The following CHST8 variants were observed in gnomAD, a reference collection of about 807,000 sequenced individuals.
The protein encoded by CHST8 is carbohydrate sulfotransferase 8, also known as GALNAC-4-ST1.
A neutral mutation model predicts 15.0 loss-of-function variants in CHST8; 10 were observed. The observed-to-expected ratio is 0.67, with a 90% confidence interval of 0.41 to 1.13. The LOEUF (loss-of-function observed/expected upper bound fraction) is 1.13, where lower values mean the gene tolerates loss of function less well. Ranked by LOEUF, CHST8 falls within the 50% of genes most tolerant of loss-of-function variation. The pLI, the probability that CHST8 is intolerant of heterozygous loss-of-function variation, is 0.00. For synonymous variants in CHST8, 259 were observed against 256.6 expected (o/e 1.01, Z -0.09); for missense variants, 634 against 608.2 (o/e 1.04, Z -0.45).
intron 3 of CHST8, among the ~76,000 whole-genome samples, chr19:33,765,553 GTC>G (rs1434751804): frequency 4.9e-5 from 4 of 81,178 alleles, no homozygotes; most frequent in East Asian, 2.2e-4. Flanking sequence ...GTGTGTGTGT[GTC>G]AGAGAGAGAG....
At chr19:33,634,614 A>C (rs1301437488) in intron 1 of CHST8, among the ~76,000 whole-genome samples, 2 of 146,166 alleles carry the variant, frequency 1.4e-5, no homozygotes, top group Non-Finnish European at 3.0e-5. Flanking sequence ...CCCCGGACTC[A>C]TCAGACAGCC....
chr19:33,690,266 A>G (rs893950512), intron 3 of CHST8, among the ~76,000 whole-genome samples: 2 of 152,112 alleles, frequency 1.3e-5, no homozygotes, highest in African/African-American at 4.8e-5. Flanking sequence ...CTGCAGGGAC[A>G]CCCACTCACT....
At position 33,646,117 on chromosome 19, in the gene CHST8, G is replaced by A. The variant is rs532654612; in HGVS notation, c.-163-21650G>A. ...CACTCCAGCCTGGGAGACAGAGTAA[G>A]ACTCTGTCTCAAAAAAAAACAAAAG... is the stretch of plus-strand genomic sequence containing the variant. On this transcript the variant is annotated intron_variant, in intron 1 of 4. Coordinates refer to ENST00000650847, the MANE Select transcript of CHST8 (RefSeq NM_001127895.2). Among the ~76,000 whole-genome samples the A allele has an allele frequency of 4.5e-3, 465 of 102,382 alleles. 3 individuals are homozygous for A. The highest frequency in any genetic ancestry group is 0.017 in the African/African-American group (451 of 26,134). The allele number at this position is 102,382 out of a possible 152,430, so 67.2% of individuals were successfully genotyped here.
At position 33,773,373 on chromosome 19, in the gene CHST8, G is replaced by C. The variant is rs528476396; in HGVS notation, c.*310G>C. ...AAGTCTGAGGCCCAGAGGACGGGGG[G>C]CCCAGCGGTAAGGGATGTCCCGCAC... On this transcript the variant is annotated 3_prime_UTR_variant, in exon 5 of 5. Transcript: ENST00000650847. 3.9e-4 allele frequency: 162 copies of C among 413,918 alleles called. No homozygotes were observed. The Middle Eastern group carries it at 5.9e-3, about 15-fold the overall frequency. 25.6% of individuals were successfully genotyped at this position (413,918 alleles called of 1,614,324 possible).
chr19:33,707,887 G>T (rs1431079530), intron 3 of CHST8, among the ~76,000 whole-genome samples: 1 of 152,194 alleles, frequency 6.6e-6, no homozygotes, highest in South Asian at 2.1e-4. Flanking sequence ...GGGTATGAAG[G>T]TTCCAATTGC....
chr19:33,763,592 C>G (rs1414382208), intron 3 of CHST8, among the ~76,000 whole-genome samples: 1 of 152,122 alleles, frequency 6.6e-6, no homozygotes. Context: ...CCCTGGGGAC[C>G]CAGCAGAGAA....
chr19:33,629,208 T>G (rs1345966438), intron 1 of CHST8, among the ~76,000 whole-genome samples: 2 of 152,224 alleles, frequency 1.3e-5, no homozygotes. Flanking sequence ...GTGGCTCGGA[T>G]GCCCACTTCC....
chr19:33,771,383 A>T lies in CHST8; in HGVS notation c.131-30A>T, dbSNP rs375546489. On this transcript the variant is annotated intron_variant, in intron 3 of 4. Coordinates refer to ENST00000650847, the MANE Select transcript of CHST8 (RefSeq NM_001127895.2). ...TGGGAGCCATGTGGCAGATCCGCTA[A>T]TACTGTCCTCTCCTCTGTTTGCTTT... 7 of 1,613,342 alleles carry T rather than the reference A, an allele frequency of 4.3e-6. No homozygotes were observed. The African/African-American group carries it at 9.3e-5, about 22-fold the overall frequency.
At chr19:33,675,747 A>G (rs1194412822) in intron 2 of CHST8, among the ~76,000 whole-genome samples, 2 of 152,254 alleles carry the variant, frequency 1.3e-5, no homozygotes, top group African/African-American at 4.8e-5. Flanking sequence ...AACCATGTTT[A>G]GGTGCCATCT....
chr19:33,770,475 G>T (rs569548340), intron 3 of CHST8, among the ~76,000 whole-genome samples: 1 of 152,218 alleles, frequency 6.6e-6, no homozygotes, highest in Non-Finnish European at 1.5e-5. Flanking sequence ...GGGGAAGGAG[G>T]CTCCAGCTTC....
At chr19:33,696,072 C>A (rs780962792) in intron 3 of CHST8, among the ~76,000 whole-genome samples, 4 of 152,020 alleles carry the variant, frequency 2.6e-5, no homozygotes, top group Non-Finnish European at 5.9e-5. Context: ...GTGATCCCCC[C>A]ACCTCAGCCT....
intron 3 of CHST8, among the ~76,000 whole-genome samples, chr19:33,701,250 G>A (rs1973330619): frequency 1.3e-5 from 2 of 152,024 alleles, no homozygotes; most frequent in South Asian, 2.1e-4. Context: ...ACGTGGCCAC[G>A]ATTTCCTGGG....
At chr19:33,634,709 T>C (rs1016897556) in intron 1 of CHST8, among the ~76,000 whole-genome samples, 33 of 137,876 alleles carry the variant, frequency 2.4e-4, no homozygotes, top group African/African-American at 9.0e-4. Flanking sequence ...AAAGCATGGA[T>C]GCTGCCCTTT....
intron 3 of CHST8, among the ~76,000 whole-genome samples, chr19:33,750,861 C>A (rs1212139455): frequency 6.6e-6 from 1 of 151,942 alleles, no homozygotes; most frequent in Non-Finnish European, 1.5e-5. Flanking sequence ...TCGGTCCAGG[C>A]TCACCACTGG....
chr19:33,737,449 C>T (rs967860530), intron 3 of CHST8, among the ~76,000 whole-genome samples: 3 of 152,120 alleles, frequency 2.0e-5, no homozygotes, highest in Non-Finnish European at 4.4e-5. Flanking sequence ...GCCTTGGTGA[C>T]CAGGGCTAAG....
At chr19:33,667,022 C>T (rs1320746078) in intron 1 of CHST8, among the ~76,000 whole-genome samples, 1 of 152,200 alleles carries the variant, frequency 6.6e-6, no homozygotes, top group Non-Finnish European at 1.5e-5. Flanking sequence ...GATGCCAAAG[C>T]CAGCCTGGGG....
At chr19:33,699,754 C>G (rs1261888288) in intron 3 of CHST8, among the ~76,000 whole-genome samples, 1 of 152,170 alleles carries the variant, frequency 6.6e-6, no homozygotes, top group East Asian at 1.9e-4. Context: ...CCCAGGGTTA[C>G]CAGGGACACA....
intron 3 of CHST8, among the ~76,000 whole-genome samples, chr19:33,734,696 A>G (rs888258398): frequency 6.6e-6 from 1 of 152,146 alleles, no homozygotes; most frequent in Non-Finnish European, 1.5e-5. Flanking sequence ...GAGGGGCATC[A>G]CGAGTGGGGT....
intron 1 of CHST8, among the ~76,000 whole-genome samples, chr19:33,632,202 C>T (rs916414654): frequency 2.0e-5 from 3 of 150,478 alleles, no homozygotes; most frequent in Admixed American, 6.6e-5. Flanking sequence ...TGCAGTGGTG[C>T]GATCTCAGCT....
Sources: allele counts gnomAD v4.1 joint callset (sites outside exome capture counted in the v4.1 genomes callset), GRCh38; gene constraint gnomAD v4.1.1; transcripts MANE v1.5; gene names NCBI Gene and HGNC (gene_info 2026-07-23, HGNC 2026-07-21).